The following EMCN variants were observed in gnomAD, a reference collection of about 807,000 sequenced individuals.
EMCN encodes the protein endomucin.
A neutral mutation model predicts 38.4 loss-of-function variants in EMCN; 37 were observed. The ratio of observed to expected loss-of-function variants is 0.96; its 90% CI spans 0.74 to 1.27. The LOEUF is 1.27. Ranked by LOEUF, EMCN falls within the 50% of genes most tolerant of loss-of-function variation. The pLI is 0.00. For synonymous variants in EMCN, 95 were observed against 100.8 expected (o/e 0.94, Z 0.35); for missense variants, 318 against 302.8 (o/e 1.05, Z -0.37).
chr4:100,413,895 T>C (rs1726636586), intron 10 of EMCN, among the ~76,000 whole-genome samples: 1 of 152,212 alleles, frequency 6.6e-6, no homozygotes, highest in African/African-American at 2.4e-5. Flanking sequence ...AACGGTCTAT[T>C]TAACTAGTCT....
chr4:100,486,101 C>T (rs528739670), intron 1 of EMCN, among the ~76,000 whole-genome samples: 1 of 152,158 alleles, frequency 6.6e-6, no homozygotes, highest in Non-Finnish European at 1.5e-5. Flanking sequence ...GCAGTTGTGC[C>T]ATATAAAAAT....
chr4:100,462,231 T>C (rs1037800104), intron 4 of EMCN, among the ~76,000 whole-genome samples: 1 of 152,224 alleles, frequency 6.6e-6, no homozygotes, highest in African/African-American at 2.4e-5. Flanking sequence ...ATTATCCTGC[T>C]TTCCAGAGTG....
intron 4 of EMCN, among the ~76,000 whole-genome samples, chr4:100,456,451 A>G (rs1728019550): frequency 6.6e-6 from 1 of 152,084 alleles, no homozygotes; most frequent in African/African-American, 2.4e-5. Flanking sequence ...CCTGCCTGAT[A>G]TATGCATTTT....
intron 11 of EMCN, among the ~76,000 whole-genome samples, chr4:100,406,104 T>G (rs1415438579): frequency 6.6e-6 from 1 of 152,100 alleles, no homozygotes; most frequent in Non-Finnish European, 1.5e-5. Context: ...TCATTTCTGA[T>G]AGTGTTTATT....
intron 1 of EMCN, among the ~76,000 whole-genome samples, chr4:100,509,045 T>A (rs1193632068): frequency 6.6e-6 from 1 of 152,194 alleles, no homozygotes; most frequent in Non-Finnish European, 1.5e-5. Flanking sequence ...CTCTTCTGAC[T>A]TTTGAAGAAA....
At chr4:100,486,191 G>A (rs1728936951) in intron 1 of EMCN, among the ~76,000 whole-genome samples, 1 of 152,102 alleles carries the variant, frequency 6.6e-6, no homozygotes, top group Admixed American at 6.5e-5. Context: ...GTCTCTCTAC[G>A]TGTCTGGCAT....
intron 8 of EMCN, among the ~76,000 whole-genome samples, chr4:100,417,672 G>A (rs1156956964): frequency 6.6e-6 from 1 of 152,182 alleles, no homozygotes; most frequent in Admixed American, 6.6e-5. Flanking sequence ...ATGTCGCAGA[G>A]GCTACTAGCT....
At chr4:100,460,503 T>A (rs887942758) in intron 4 of EMCN, among the ~76,000 whole-genome samples, 3 of 152,156 alleles carry the variant, frequency 2.0e-5, no homozygotes, top group East Asian at 3.9e-4. Context: ...TGAAGGCTAA[T>A]GAGGAGCAAA....
rs74391846 is a variant in EMCN at position 100,416,229 on chromosome 4, T to A, written c.690-270A>T. 3.6e-3 allele frequency among the ~76,000 whole-genome samples: 555 copies of A among 152,242 alleles called. 7 individuals are homozygous for A. Among genetic ancestry groups the A allele is most frequent in the African/African-American group, 0.013 (524 of 41,544 alleles). ...AATCAAGCCAATAAATCCCTGCCAC[T>A]CTCTTATAGTGGTGATTGTCAGATA... is the stretch of plus-strand genomic sequence containing the variant. On this transcript the variant is annotated intron_variant, in intron 9 of 11. Transcript: ENST00000296420.
chr4:100,474,563 A>G (rs1223630103), intron 3 of EMCN, among the ~76,000 whole-genome samples: 2 of 152,250 alleles, frequency 1.3e-5, no homozygotes, highest in Non-Finnish European at 1.5e-5. Context: ...TCATAGCAGC[A>G]TTATTTATAA....
chr4:100,440,633 T>C (rs1330429513), intron 5 of EMCN, among the ~76,000 whole-genome samples: 1 of 152,048 alleles, frequency 6.6e-6, no homozygotes, highest in Non-Finnish European at 1.5e-5. Context: ...GTGATATATA[T>C]AAATATATAT....
intron 3 of EMCN, among the ~76,000 whole-genome samples, chr4:100,474,622 T>A (rs947489290): frequency 2.0e-5 from 3 of 152,144 alleles, no homozygotes; most frequent in African/African-American, 4.8e-5. Flanking sequence ...AATAAACGGA[T>A]AAACAAAATG....
intron 2 of EMCN, among the ~76,000 whole-genome samples, chr4:100,477,854 T>C (rs1195234504): frequency 6.6e-6 from 1 of 152,110 alleles, no homozygotes; most frequent in Non-Finnish European, 1.5e-5. Context: ...GGACAGTGTA[T>C]AAAACTCCTC....
intron 4 of EMCN, among the ~76,000 whole-genome samples, chr4:100,459,928 T>G (rs1419262915): frequency 6.6e-6 from 1 of 152,196 alleles, no homozygotes; most frequent in Non-Finnish European, 1.5e-5. Flanking sequence ...TTTTATTTCC[T>G]TGGATATGTA....
chr4:100,432,989 T>C (rs1727245571), intron 5 of EMCN, among the ~76,000 whole-genome samples: 1 of 152,172 alleles, frequency 6.6e-6, no homozygotes, highest in Non-Finnish European at 1.5e-5. Flanking sequence ...GGCAAGAGCA[T>C]GGAAATCTAC....
At chr4:100,491,144 G>A (rs959072170) in intron 1 of EMCN, among the ~76,000 whole-genome samples, 9 of 151,878 alleles carry the variant, frequency 5.9e-5, no homozygotes, top group Non-Finnish European at 1.2e-4. Flanking sequence ...TGATGTATAG[G>A]GCTTTTTATT....
At chr4:100,516,852 T>C (rs1729772079) in intron 1 of EMCN, among the ~76,000 whole-genome samples, 1 of 152,078 alleles carries the variant, frequency 6.6e-6, no homozygotes, top group African/African-American at 2.4e-5. Flanking sequence ...AAATGAATGT[T>C]TTTGTTTTTT....
Position 100,501,322 on chromosome 4 carries a change from C to T in EMCN, c.64+16529G>A, listed in dbSNP as rs78656218. On this transcript the variant is annotated intron_variant, in intron 1 of 11. Coordinates refer to ENST00000296420, the MANE Select transcript of EMCN (RefSeq NM_016242.4). ...AAAGATCAATCATTACTCACTGCTC[C>T]GTTATACCATCTTTGTTTTATATCA... Among the ~76,000 whole-genome samples, 614 of 152,164 alleles carry T rather than the reference C, an allele frequency of 4.0e-3. 2 individuals are homozygous for T. The highest frequency in any genetic ancestry group is 6.6e-3 in the Non-Finnish European group (448 of 67,948).
intron 1 of EMCN, chr4:100,487,114 G>A: frequency 6.3e-6 from 4 of 632,410 alleles, no homozygotes; most frequent in Non-Finnish European, 7.9e-6. Flanking sequence ...ATGCTCCTTG[G>A]CCTTCAGACA....
Sources: allele counts gnomAD v4.1 joint callset (sites outside exome capture counted in the v4.1 genomes callset), GRCh38; gene constraint gnomAD v4.1.1; transcripts MANE v1.5; gene names NCBI Gene and HGNC (gene_info 2026-07-23, HGNC 2026-07-21).